The following STK3 variants were observed in gnomAD, a reference collection of about 807,000 sequenced individuals.
STK3 encodes the protein serine/threonine-protein kinase 3.
A neutral mutation model predicts 58.0 loss-of-function variants in STK3; 41 were observed. The observed-to-expected ratio is 0.71, with a 90% confidence interval of 0.55 to 0.92. The LOEUF is 0.92. Among genes scored for constraint, STK3 ranks in the 40% least tolerant of loss-of-function variants. The probability of loss-of-function intolerance (pLI) is 0.00; values close to 1 mark genes in which losing one functional copy is unlikely to be tolerated. For synonymous variants in STK3, 170 were observed against 191.0 expected (o/e 0.89, Z 0.91); for missense variants, 479 against 602.7 (o/e 0.79, Z 2.15).
intron 1 of STK3, among the ~76,000 whole-genome samples, chr8:98,930,407 G>A (rs963464705): frequency 3.9e-5 from 6 of 152,140 alleles, no homozygotes; most frequent in African/African-American, 4.8e-5. Context: ...TACTTTCCCT[G>A]TTCCATGCAG....
At chr8:98,365,738 A>T in the STK3 span, among the ~76,000 whole-genome samples, 1 of 152,194 alleles carries the variant, frequency 6.6e-6, no homozygotes, top group African/African-American at 2.4e-5. Flanking sequence ...ACAATATATA[A>T]CATTTTTCCA....
At chr8:98,571,527 G>A (rs991318393) in intron 8 of STK3, among the ~76,000 whole-genome samples, 4 of 152,166 alleles carry the variant, frequency 2.6e-5, no homozygotes, top group Non-Finnish European at 5.9e-5. Context: ...AGTGAAGCAT[G>A]TTTAAAGAGA....
At chr8:98,719,421 A>G (rs1032433780) in intron 4 of STK3, among the ~76,000 whole-genome samples, 7 of 152,118 alleles carry the variant, frequency 4.6e-5, no homozygotes, top group African/African-American at 1.7e-4. Flanking sequence ...CCTATATATC[A>G]CTGCTCTACT....
At chr8:98,392,482 A>G (rs1235364919), upstream of STK3, among the ~76,000 whole-genome samples, 1 of 152,058 alleles carries the variant, frequency 6.6e-6, no homozygotes, top group Non-Finnish European at 1.5e-5. Flanking sequence ...AATTGTTCCC[A>G]TTTTTATCTT....
intron 6 of STK3, among the ~76,000 whole-genome samples, chr8:98,650,971 C>A (rs1820866720): frequency 6.6e-6 from 1 of 152,238 alleles, no homozygotes; most frequent in Non-Finnish European, 1.5e-5. Flanking sequence ...CCTGTCTGAA[C>A]AGCTTTGAAG....
At chr8:98,690,585 T>G (rs779619539) in intron 6 of STK3, among the ~76,000 whole-genome samples, 2 of 152,022 alleles carry the variant, frequency 1.3e-5, no homozygotes, top group Middle Eastern at 3.2e-3. Flanking sequence ...CGTTCCCAGG[T>G]TGGAAGAATC....
chr8:98,621,383 A>T (rs1156309838), intron 6 of STK3, among the ~76,000 whole-genome samples: 3 of 152,114 alleles, frequency 2.0e-5, no homozygotes, highest in Non-Finnish European at 4.4e-5. Context: ...TCCAATCTGT[A>T]TGCCTTTTCC....
At chr8:98,697,933 T>C (rs1825139972) in intron 6 of STK3, among the ~76,000 whole-genome samples, 2 of 152,184 alleles carry the variant, frequency 1.3e-5, no homozygotes, top group South Asian at 4.1e-4. Context: ...ACTTTCTGTC[T>C]GGTTGATCTG....
At chr8:98,773,922 G>A (rs751578968) in intron 2 of STK3, among the ~76,000 whole-genome samples, 5 of 151,744 alleles carry the variant, frequency 3.3e-5, no homozygotes, top group Non-Finnish European at 7.4e-5. Flanking sequence ...TCAGCTTCCC[G>A]AATAGCTGGG....
intron 3 of STK3, among the ~76,000 whole-genome samples, chr8:98,834,148 G>A (rs1049645809): frequency 6.6e-6 from 1 of 152,194 alleles, no homozygotes; most frequent in Non-Finnish European, 1.5e-5. Context: ...TGTAGCACCA[G>A]ACACCATAAG....
chr8:98,480,102 T>C (rs1554599538), intron 10 of STK3, among the ~76,000 whole-genome samples: 1 of 151,712 alleles, frequency 6.6e-6, no homozygotes, highest in Non-Finnish European at 1.5e-5. Flanking sequence ...TCCCAGAAGG[T>C]GGGGAATGAG....
chr8:98,937,651 A>C (rs1207941218), intron 1 of STK3, among the ~76,000 whole-genome samples: 3 of 152,232 alleles, frequency 2.0e-5, no homozygotes, highest in Non-Finnish European at 4.4e-5. Flanking sequence ...CATAGTAGAC[A>C]CTCAAGAAAA....
intron 6 of STK3, among the ~76,000 whole-genome samples, chr8:98,666,750 G>C (rs1822399715): frequency 6.6e-6 from 1 of 152,078 alleles, no homozygotes; most frequent in Non-Finnish European, 1.5e-5. Context: ...ATAATTTTCA[G>C]CCACTTGTTT....
At chr8:98,436,003 C>T (rs970214554) in intron 2 of STK3, among the ~76,000 whole-genome samples, 7 of 152,304 alleles carry the variant, frequency 4.6e-5, no homozygotes, top group Admixed American at 3.3e-4. Flanking sequence ...CTGTGACCGG[C>T]CTCTGTTCCC....
At chr8:98,529,621 C>A (rs539900654) in intron 9 of STK3, among the ~76,000 whole-genome samples, 1 of 152,176 alleles carries the variant, frequency 6.6e-6, no homozygotes, top group African/African-American at 2.4e-5. Context: ...ATAACTGTAA[C>A]CCCATGTCTA....
At chr8:98,655,562 G>T (rs1287314662) in intron 6 of STK3, among the ~76,000 whole-genome samples, 1 of 151,632 alleles carries the variant, frequency 6.6e-6, no homozygotes, top group Non-Finnish European at 1.5e-5. Flanking sequence ...TACAACATGG[G>T]AGAAAATTTT....
chr8:98,741,832 G>A (rs1057333698), intron 4 of STK3, among the ~76,000 whole-genome samples: 3 of 152,114 alleles, frequency 2.0e-5, no homozygotes, highest in Admixed American at 1.3e-4. Context: ...TTGATAGACT[G>A]CTAGCAAGAC....
chr8:98,676,668 T>TA (rs1306209362), intron 6 of STK3, among the ~76,000 whole-genome samples: 2 of 150,690 alleles, frequency 1.3e-5, no homozygotes, highest in Non-Finnish European at 3.0e-5. Context: ...TTTGCCACAA[T>TA]AAAAAAGTAA....
intron 1 of STK3, among the ~76,000 whole-genome samples, chr8:98,780,656 CAG>C (rs1832029791): frequency 1.3e-5 from 2 of 150,610 alleles, no homozygotes; most frequent in African/African-American, 2.4e-5. Flanking sequence ...GTAAGAAACA[CAG>C]GGGAAAAAAA....
Sources: gnomAD v4.1 joint callset for allele counts (sites outside exome capture counted in the v4.1 genomes callset) on GRCh38, gnomAD v4.1.1 for gene constraint, MANE v1.5 for transcripts, NCBI Gene and HGNC (gene_info 2026-07-23, HGNC 2026-07-21) for gene names.